FBN1: variants seen among roughly 807,000 people sequenced by gnomAD.
FBN1 encodes the protein fibrillin-1.
Under a neutral mutation model 365.1 loss-of-function variants are expected in FBN1, and 29 were observed. That is an observed-to-expected ratio of 0.08 (90% confidence interval 0.06 to 0.11). The LOEUF (loss-of-function observed/expected upper bound fraction) is 0.11. Ranked by LOEUF, FBN1 falls within the 10% of genes least tolerant of loss-of-function variation. The pLI, the probability that FBN1 is intolerant of heterozygous loss-of-function variation, is 1.00. For synonymous variants in FBN1, 1,210 were observed against 1,270.5 expected, an observed-to-expected ratio of 0.95 and a Z score of 1.01; for missense variants, 2,476 against 3,703.2, an observed-to-expected ratio of 0.67 and a Z score of 8.60.
rs773080436 is a variant in FBN1 at position 48,422,078 on chromosome 15, A to G, written c.7454-10T>C. ...GCACACTCATCAAGATCTACAAGAAAATGCAAGAGAGGCATTTGAGTCAAG... is the reference window on the plus strand; with the variant it reads ...GCACACTCATCAAGATCTACAAGAAGATGCAAGAGAGGCATTTGAGTCAAG... On this transcript the variant is annotated splice_polypyrimidine_tract_variant and intron_variant, in intron 60 of 65. Transcript: ENST00000316623. The G allele has an allele frequency of 1.3e-6, 2 of 1,586,132 alleles. No homozygotes were observed. The highest frequency in any genetic ancestry group is 1.7e-5 in the Admixed American group (1 of 60,002).
At chr15:48,609,365 T>C (rs1211732433) in intron 4 of FBN1, among the ~76,000 whole-genome samples, 2 of 152,242 alleles carry the variant, frequency 1.3e-5, no homozygotes, top group African/African-American at 2.4e-5. Context: ...GCTGTTACTG[T>C]GTGGGCTCCA....
chr15:48,487,312 C>T lies in FBN1; in HGVS notation c.3463G>A (p.Asp1155Asn), dbSNP rs794728204. ...QLSPNISACI[D>N]INECELSAHL... The stretch of plus-strand genomic sequence containing the variant: ...ATGGTGTGAAAGTCTTTCTCCTTAC[C>T]GATACACGCGGAGATGTTGGGGGAC... The change falls in exon 28 of 66, where the codon GAC becomes AAC. Residue 1155 changes from aspartate (D) to asparagine (N), a missense_variant and splice_region_variant. By Grantham distance (23) the Asp-to-Asn change is conservative. Transcript: ENST00000316623. The T allele has an allele frequency of 1.9e-6, 3 of 1,614,068 alleles. No homozygotes were observed. The highest frequency in any genetic ancestry group is 1.3e-5 in the African/African-American group (1 of 74,926).
intron 10 of FBN1, among the ~76,000 whole-genome samples, 198 bp downstream of exon 10, chr15:48,520,461 T>G (rs184387794): frequency 6.6e-6 from 1 of 152,286 alleles, no homozygotes; most frequent in East Asian, 1.9e-4. Flanking sequence ...AAGCAGTACC[T>G]GAAAACAGTA....
chr15:48,645,337 C>A (rs1035101430), intron 1 of FBN1, among the ~76,000 whole-genome samples: 1 of 152,216 alleles, frequency 6.6e-6, no homozygotes, highest in Non-Finnish European at 1.5e-5. Context: ...CCGTCCCCGC[C>A]GACTCCGGGC....
intron 36 of FBN1, among the ~76,000 whole-genome samples, chr15:48,469,098 TATAATATATATTAC>T (rs1566904933): frequency 2.5e-4 from 25 of 101,300 alleles, no homozygotes; most frequent in African/African-American, 9.8e-4. Context: ...ATATATAAAA[TATAATATATATTAC>T]ATATATATAT....
chr15:48,533,143 C>G (rs2043986898), intron 8 of FBN1, among the ~76,000 whole-genome samples: 1 of 152,138 alleles, frequency 6.6e-6, no homozygotes, highest in South Asian at 2.1e-4. Flanking sequence ...TTAGAATGTA[C>G]TCACTGTTAG....
intron 22 of FBN1, 72 bp downstream of exon 22, chr15:48,495,051 A>G: frequency 6.4e-7 from 1 of 1,570,978 alleles, no homozygotes; most frequent in Non-Finnish European, 8.7e-7. Flanking sequence ...AGATAAATGA[A>G]ATACTAGGCT....
At chr15:48,454,785 T>C (rs1469553457) in intron 44 of FBN1, among the ~76,000 whole-genome samples, 1 of 152,136 alleles carries the variant, frequency 6.6e-6, no homozygotes, top group Admixed American at 6.5e-5. Context: ...AGTCAGTCAG[T>C]GGGGGTTCCT....
Position 48,446,885 on chromosome 15 carries a change from C to A in FBN1, c.5672-63G>T, listed in dbSNP as rs363800. ...AGTAGAAAAAGTGGTTACACGGTTA[C>A]AGTGGCTAAAGAGCATTTTAGGGTT... is the stretch of plus-strand genomic sequence containing the variant. On this transcript the variant is annotated intron_variant, in intron 46 of 65. Coordinates refer to ENST00000316623, the MANE Select transcript of FBN1 (RefSeq NM_000138.5). 26,488 of 1,144,726 alleles carry A rather than the reference C, an allele frequency of 0.023. 629 individuals are homozygous for A. Among genetic ancestry groups the A allele is most frequent in the East Asian group, 0.11 (4,554 of 42,404 alleles). 70.9% of individuals were successfully genotyped at this position (1,144,726 alleles called of 1,614,324 possible). A position where few individuals can be genotyped will look rare whatever the true frequency, so the allele number is the denominator to read the frequency against.
chr15:48,434,891 G>A (rs1208710626), intron 53 of FBN1, among the ~76,000 whole-genome samples, 178 bp from the exon 54 acceptor site: 1 of 152,158 alleles, frequency 6.6e-6, no homozygotes, highest in African/African-American at 2.4e-5. Flanking sequence ...CTGCCTCTCA[G>A]GTTCAAGTGA....
chr15:48,458,052 A>G (rs774473818), intron 43 of FBN1, among the ~76,000 whole-genome samples: 4 of 152,210 alleles, frequency 2.6e-5, no homozygotes, highest in Admixed American at 1.3e-4. Context: ...GCTGGGTTTG[A>G]TGAAACACCT....
At chr15:48,461,183 T>C in intron 42 of FBN1, among the ~76,000 whole-genome samples, 1 of 152,218 alleles carries the variant, frequency 6.6e-6, no homozygotes, top group East Asian at 1.9e-4. Context: ...CCAGCTGACA[T>C]TGGTCACCTA....
chr15:48,638,855 A>G (rs1890148124), intron 2 of FBN1, among the ~76,000 whole-genome samples: 1 of 152,156 alleles, frequency 6.6e-6, no homozygotes. Context: ...ATAAACAGCA[A>G]TGCCTCCAGC....
rs149296479 is a variant in FBN1 at position 48,511,814 on chromosome 15, C to G, written c.1589-1645G>C. On this transcript the variant is annotated intron_variant, in intron 13 of 65. Coordinates refer to ENST00000316623, the MANE Select transcript of FBN1 (RefSeq NM_000138.5). Reference sequence around the variant, plus strand: ...CCAATACTAAGTCTCAGATTGATAACAACCACATACATGAGTTTATACTGG... The same window carrying G: ...CCAATACTAAGTCTCAGATTGATAAGAACCACATACATGAGTTTATACTGG... 8.3e-4 allele frequency among the ~76,000 whole-genome samples: 126 copies of G among 152,340 alleles called. 1 individual carries two copies. The highest frequency in any genetic ancestry group is 3.0e-3 in the African/African-American group (125 of 41,580).
At chr15:48,441,577 T>A in intron 50 of FBN1, 144 bp downstream of exon 50, 1 of 1,025,186 alleles carries the variant, frequency 9.8e-7, no homozygotes, top group South Asian at 1.3e-5. Flanking sequence ...CCTTCTGACA[T>A]ATGGTTATCA....
chr15:48,535,691 G>A (rs2044007449), intron 7 of FBN1, among the ~76,000 whole-genome samples: 2 of 152,228 alleles, frequency 1.3e-5, no homozygotes, highest in African/African-American at 4.8e-5. Flanking sequence ...TGCAGTAAAA[G>A]GGATATTAAA....
intron 7 of FBN1, 123 bp from the exon 8 acceptor site, chr15:48,534,328 T>A: frequency 9.9e-7 from 1 of 1,006,304 alleles, no homozygotes; most frequent in African/African-American, 1.6e-5. Flanking sequence ...TATTTGTCCA[T>A]CACAATATTT....
chr15:48,439,606 A>C (rs1029180060), intron 50 of FBN1, among the ~76,000 whole-genome samples: 87 of 152,282 alleles, frequency 5.7e-4, no homozygotes, highest in African/African-American at 2.0e-3. Flanking sequence ...ATATATGAAA[A>C]CTTAACTCTG....
chr15:48,601,262 T>C (rs2044564476), intron 4 of FBN1, among the ~76,000 whole-genome samples: 1 of 152,334 alleles, frequency 6.6e-6, no homozygotes, highest in Middle Eastern at 3.4e-3. Context: ...GCAAGTGCTC[T>C]CATTTCTCCA....
Sources: allele counts gnomAD v4.1 joint callset (sites outside exome capture counted in the v4.1 genomes callset), GRCh38; gene constraint gnomAD v4.1.1; transcripts MANE v1.5; gene names NCBI Gene and HGNC (gene_info 2026-07-23, HGNC 2026-07-21).